Variants in CTNNA3 observed in about 807,000 individuals in gnomAD.
CTNNA3 encodes the protein catenin alpha-3.
A neutral mutation model predicts 95.7 loss-of-function variants in CTNNA3; 76 were observed. The ratio of observed to expected loss-of-function variants is 0.79; its 90% CI spans 0.66 to 0.96. The LOEUF (loss-of-function observed/expected upper bound fraction) is 0.96, where lower values mean the gene tolerates loss of function less well. CTNNA3 is among the 40% of genes least tolerant of loss of function. CTNNA3 has a pLI of 0.00. For missense variants in CTNNA3, 1,191 were observed against 1,089.8 expected, an observed-to-expected ratio of 1.09 and a Z score of -1.31; for synonymous variants, 431 against 374.4, an observed-to-expected ratio of 1.15 and a Z score of -1.74.
intron 7 of CTNNA3, among the ~76,000 whole-genome samples, chr10:67,051,032 T>C (rs1855056330): frequency 6.6e-6 from 1 of 152,146 alleles, no homozygotes; most frequent in African/African-American, 2.4e-5. Flanking sequence ...AAGAGACAGT[T>C]TCTGTTTTCA....
At chr10:67,288,157 AT>A (rs1839683720) in intron 5 of CTNNA3, among the ~76,000 whole-genome samples, 1 of 152,188 alleles carries the variant, frequency 6.6e-6, no homozygotes, top group Non-Finnish European at 1.5e-5. Flanking sequence ...TGGAAGTAGT[AT>A]TGTAAAATGT....
At position 67,577,971 on chromosome 10, in the gene CTNNA3, G is replaced by T. The variant is rs575463595; in HGVS notation, c.292+28886C>A. ...GTACTAATTTATATTTCTACCAACA[G>T]AATATAAGAGTTTTCTTTTCTCCAC... On this transcript the variant is annotated intron_variant, in intron 3 of 17. Coordinates refer to ENST00000433211, the MANE Select transcript of CTNNA3 (RefSeq NM_013266.4). Among the ~76,000 whole-genome samples the T allele has an allele frequency of 3.3e-4, 48 of 147,416 alleles. 2 individuals are homozygous for T. The highest frequency in any genetic ancestry group is 1.2e-3 in the African/African-American group (46 of 37,690).
Position 66,512,135 on chromosome 10 carries a change from T to C in CTNNA3, c.1531+8482A>G, listed in dbSNP as rs189211254. 2.6e-5 allele frequency among the ~76,000 whole-genome samples: 4 copies of C among 152,152 alleles called. No individual in the cohort carries two copies. The East Asian group carries it at 7.7e-4, about 29-fold the overall frequency. On this transcript the variant is annotated intron_variant, in intron 11 of 17. Coordinates refer to ENST00000433211, the MANE Select transcript of CTNNA3 (RefSeq NM_013266.4). ...TAATCACTATATAATGACCTCTGTG[T>C]CTTTTTATCTTTTTATTTTTAATAA...
At chr10:66,948,194 G>T (rs972041114) in intron 7 of CTNNA3, among the ~76,000 whole-genome samples, 1 of 152,124 alleles carries the variant, frequency 6.6e-6, no homozygotes, top group African/African-American at 2.4e-5. Context: ...GGCTCTTCTC[G>T]AAATTCTCAA....
intron 3 of CTNNA3, among the ~76,000 whole-genome samples, chr10:67,560,321 G>A (rs900044458): frequency 6.6e-6 from 1 of 150,900 alleles, no homozygotes; most frequent in Non-Finnish European, 1.5e-5. Context: ...GAAGAGAGTG[G>A]GGGCCAATAT....
At chr10:66,045,934 G>A (rs1026696160) in intron 15 of CTNNA3, among the ~76,000 whole-genome samples, 11 of 152,172 alleles carry the variant, frequency 7.2e-5, no homozygotes, top group Non-Finnish European at 1.2e-4. Flanking sequence ...AGAGGTATGT[G>A]TAATGTACAA....
At chr10:66,166,747 C>G (rs1352151728) in intron 13 of CTNNA3, among the ~76,000 whole-genome samples, 1 of 146,494 alleles carries the variant, frequency 6.8e-6, no homozygotes, top group Non-Finnish European at 1.5e-5. Context: ...ACTATTATAA[C>G]AGCAAAAAAA....
chr10:66,844,080 T>C (rs1247823872), intron 7 of CTNNA3, among the ~76,000 whole-genome samples: 2 of 152,194 alleles, frequency 1.3e-5, no homozygotes, highest in African/African-American at 4.8e-5. Context: ...GCTAGTAATA[T>C]TTCCAAGTAC....
intron 1 of CTNNA3, among the ~76,000 whole-genome samples, chr10:67,680,638 G>A (rs866778781): frequency 1.3e-5 from 2 of 152,172 alleles, no homozygotes; most frequent in African/African-American, 4.8e-5. Context: ...TGAAACTCTT[G>A]TTGCTTAAAC....
At chr10:66,360,659 C>CCT (rs2092653013) in intron 12 of CTNNA3, among the ~76,000 whole-genome samples, 3 of 30,542 alleles carry the variant, frequency 9.8e-5, no homozygotes, top group African/African-American at 3.1e-4. Context: ...TTCTTTCTTT[C>CCT]TTCCTTCCTT....
rs562420109 is a variant in CTNNA3, at chr10:67,294,026, T to A, written c.580-74156A>T. On this transcript the variant is annotated intron_variant, in intron 5 of 17. Transcript: ENST00000433211. Reference sequence around the variant, plus strand: ...CTCTAGGTTCAATTGGCTCTGAGCATGGTAAACAAACTGCAGTCACTAAAG... The same window carrying A: ...CTCTAGGTTCAATTGGCTCTGAGCAAGGTAAACAAACTGCAGTCACTAAAG... 4.4e-3 allele frequency among the ~76,000 whole-genome samples: 673 copies of A among 152,256 alleles called. 4 individuals carry two copies. Among genetic ancestry groups the A allele is most frequent in the African/African-American group, 0.015 (636 of 41,554 alleles).
At position 67,582,817 on chromosome 10, in the gene CTNNA3, C is replaced by T. The variant is rs760014786; in HGVS notation, c.292+24040G>A. ...TGATCCCTTTACCATTATACAATGGCCTTCTTTGTCTCTTTTGATCTTTTT... is the reference window on the plus strand; with the variant it reads ...TGATCCCTTTACCATTATACAATGGTCTTCTTTGTCTCTTTTGATCTTTTT... On this transcript the variant is annotated intron_variant, in intron 3 of 17. Transcript: ENST00000433211. Among the ~76,000 whole-genome samples the T allele has an allele frequency of 7.2e-4, 109 of 152,202 alleles. No individual in the cohort carries two copies. The Middle Eastern group carries it at 0.014, about 19-fold the overall frequency.
intron 5 of CTNNA3, among the ~76,000 whole-genome samples, chr10:67,451,061 A>T (rs995279817): frequency 1.3e-5 from 2 of 152,064 alleles, no homozygotes; most frequent in Non-Finnish European, 2.9e-5. Context: ...CATCCTCATG[A>T]ATGGTTTAAT....
chr10:67,029,340 T>C (rs1319964775), intron 7 of CTNNA3, among the ~76,000 whole-genome samples: 1 of 152,086 alleles, frequency 6.6e-6, no homozygotes, highest in Non-Finnish European at 1.5e-5. Context: ...TGTAAGCAAA[T>C]AGGGTCATGG....
Position 66,418,294 on chromosome 10 carries a change from A to G in CTNNA3, c.1532-38942T>C, listed in dbSNP as rs149303150. On this transcript the variant is annotated intron_variant, in intron 11 of 17. Transcript: ENST00000433211. Reference sequence around the variant, plus strand: ...AGAGGAAGTAGATACATTGCTAGAAACATACATACAACTTACCAAGATTGA... The same window carrying G: ...AGAGGAAGTAGATACATTGCTAGAAGCATACATACAACTTACCAAGATTGA... Among the ~76,000 whole-genome samples, 232 of 151,768 alleles carry G rather than the reference A, an allele frequency of 1.5e-3. 1 individual carries two copies. The highest frequency in any genetic ancestry group is 5.5e-3 in the African/African-American group (226 of 41,284).
intron 15 of CTNNA3, among the ~76,000 whole-genome samples, chr10:66,014,364 T>C (rs1313726731): frequency 6.6e-6 from 1 of 152,186 alleles, no homozygotes; most frequent in African/African-American, 2.4e-5. Flanking sequence ...GCTCAGTTAC[T>C]GAGCTGGAAT....
At chr10:67,672,623 T>C (rs1840459121) in intron 1 of CTNNA3, among the ~76,000 whole-genome samples, 1 of 152,312 alleles carries the variant, frequency 6.6e-6, no homozygotes, top group South Asian at 2.1e-4. Flanking sequence ...GGGTATCCTT[T>C]CCCCATTGCT....
intron 9 of CTNNA3, among the ~76,000 whole-genome samples, chr10:66,677,403 CT>C (rs71035163): frequency 6.7e-6 from 1 of 150,166 alleles, no homozygotes; most frequent in Non-Finnish European, 1.5e-5. Flanking sequence ...TAGAAGCCCA[CT>C]TTTTTTTTAA....
Position 67,128,196 on chromosome 10 carries a change from G to A in CTNNA3, c.1047+52121C>T, listed in dbSNP as rs145973997. Among the ~76,000 whole-genome samples the A allele has an allele frequency of 1.7e-3, 256 of 152,100 alleles. 1 individual carries two copies. Among genetic ancestry groups the A allele is most frequent in the African/African-American group, 5.3e-3 (221 of 41,498 alleles). ...CAGATACTCAGTCAAATATTATTCT[G>A]GGTGTTTCTGTGAAGACATTTTAGA... On this transcript the variant is annotated intron_variant, in intron 7 of 17. Transcript: ENST00000433211.
Sources: gnomAD v4.1 joint callset for allele counts (sites outside exome capture counted in the v4.1 genomes callset) on GRCh38, gnomAD v4.1.1 for gene constraint, MANE v1.5 for transcripts, NCBI Gene and HGNC (gene_info 2026-07-23, HGNC 2026-07-21) for gene names.